DNAH12: variants seen among roughly 807,000 people sequenced by gnomAD.
DNAH12 encodes dynein axonemal heavy chain 12, also known as axonemal beta dynein heavy chain 12.
In DNAH12, 285 loss-of-function variants were observed where a neutral mutation model predicts 371.5. The ratio of observed to expected loss-of-function variants is 0.77; its 90% CI spans 0.70 to 0.85. DNAH12 has a LOEUF of 0.85. DNAH12 is among the 40% of genes least tolerant of loss of function. The pLI is 0.00. For synonymous variants in DNAH12, 1,200 were observed against 1,213.0 expected, an observed-to-expected ratio of 0.99 and a Z score of 0.22; for missense variants, 3,611 against 3,689.4, an observed-to-expected ratio of 0.98 and a Z score of 0.55.
intron 55 of DNAH12, among the ~76,000 whole-genome samples, chr3:57,369,205 G>T (rs2063114512): frequency 9.1e-6 from 1 of 109,958 alleles, no homozygotes; most frequent in Non-Finnish European, 1.9e-5. Context: ...GGGCAACAAA[G>T]ATTGAAACTC....
intron 60 of DNAH12, among the ~76,000 whole-genome samples, chr3:57,346,387 T>C (rs1389825707): frequency 6.6e-6 from 1 of 152,084 alleles, no homozygotes; most frequent in African/African-American, 2.4e-5. Flanking sequence ...GATAGATTAG[T>C]TGTAAATGTA....
intron 2 of DNAH12, among the ~76,000 whole-genome samples, chr3:57,541,045 C>G (rs1475209751): frequency 1.3e-5 from 2 of 151,208 alleles, no homozygotes; most frequent in African/African-American, 2.4e-5. Context: ...CTCCCCCTCC[C>G]TTTTATTTTT....
intron 13 of DNAH12, among the ~76,000 whole-genome samples, chr3:57,475,784 A>G (rs1295294339): frequency 2.0e-5 from 3 of 152,326 alleles, no homozygotes; most frequent in Admixed American, 2.0e-4. Context: ...CCATCTCACA[A>G]TTGCAAGTAA....
At chr3:57,536,760 A>G (rs1192665551) in intron 2 of DNAH12, among the ~76,000 whole-genome samples, 1 of 152,166 alleles carries the variant, frequency 6.6e-6, no homozygotes, top group Non-Finnish European at 1.5e-5. Context: ...CCCAACATAA[A>G]TATGCCTGAC....
intron 29 of DNAH12, among the ~76,000 whole-genome samples, chr3:57,439,194 A>G (rs2065229353): frequency 6.6e-6 from 1 of 152,196 alleles, no homozygotes; most frequent in Non-Finnish European, 1.5e-5. Flanking sequence ...TCACAGAACT[A>G]GAAAAAAATT....
intron 2 of DNAH12, among the ~76,000 whole-genome samples, chr3:57,541,518 A>G (rs1012858354): frequency 4.7e-5 from 7 of 150,162 alleles, no homozygotes; most frequent in African/African-American, 1.7e-4. Flanking sequence ...GGCATGCCCC[A>G]CCACACCTGG....
intron 35 of DNAH12, among the ~76,000 whole-genome samples, chr3:57,424,170 T>G (rs778424422): frequency 2.0e-5 from 3 of 152,102 alleles, no homozygotes; most frequent in Non-Finnish European, 4.4e-5. Context: ...AATTATAATC[T>G]TTCATAATAG....
In DNAH12 at chr3:57,452,818, G is replaced by T. The variant is rs762729655; in HGVS notation, c.3786+25C>A. On this transcript the variant is annotated intron_variant, in intron 25 of 73. Transcript: ENST00000495027. ...CAGCAAAAAGTAATTATTAATGTGT[G>T]AATTAAGATAATTTAAATGCATACC... The T allele has an allele frequency of 2.3e-5, 35 of 1,522,012 alleles. No individual in the cohort carries two copies. The African/African-American group carries it at 4.5e-4, about 19-fold the overall frequency. 94.3% of individuals were successfully genotyped at this position (1,522,012 alleles called of 1,614,324 possible). A position where few individuals can be genotyped will look rare whatever the true frequency, so the allele number is the denominator to read the frequency against.
intron 4 of DNAH12, among the ~76,000 whole-genome samples, chr3:57,515,513 G>T (rs567685712): frequency 6.6e-6 from 1 of 152,232 alleles, no homozygotes; most frequent in South Asian, 2.1e-4. Context: ...AGGAGGCTGG[G>T]GTGGGAGGAT....
intron 66 of DNAH12, among the ~76,000 whole-genome samples, chr3:57,311,506 T>C (rs1156367249): frequency 6.6e-6 from 1 of 152,254 alleles, no homozygotes; most frequent in African/African-American, 2.4e-5. Context: ...ATTTTTCATA[T>C]GAATGTGGAT....
At chr3:57,396,719 G>C (rs1189314868) in intron 43 of DNAH12, among the ~76,000 whole-genome samples, 1 of 152,330 alleles carries the variant, frequency 6.6e-6, no homozygotes, top group Non-Finnish European at 1.5e-5. Context: ...TTACAGGTCT[G>C]TTCTACCACA....
intron 13 of DNAH12, among the ~76,000 whole-genome samples, chr3:57,476,328 G>A (rs1336462935): frequency 6.6e-6 from 1 of 152,162 alleles, no homozygotes; most frequent in Non-Finnish European, 1.5e-5. Context: ...CACTTTGGGA[G>A]GCTGAGACGG....
At position 57,421,630 on chromosome 3, in the gene DNAH12, A is replaced by C; in HGVS notation, c.5450T>G (p.Phe1817Cys). The change falls in exon 36 of 74, where the codon TTC becomes TGC. Residue 1817 changes from phenylalanine (F) to cysteine (C), a missense_variant. Physicochemically the swap from Phe to Cys is radical, Grantham distance 205 (BLOSUM62 -2). Around this residue, in one of 3 missense-constraint regions of DNAH12, gnomAD observed 2,266 missense variants for 2,236.9 expected, o/e 1.01. Transcript: ENST00000495027. ...TTTTCCCAGTATGATTAATCGTATGAAAGTATCAAAAACACGACGGCCATC... is the reference window on the plus strand; with the variant it reads ...TTTTCCCAGTATGATTAATCGTATGCAAGTATCAAAAACACGACGGCCATC... ...DTDGRRVFDT[F>C]IRLIILGKDD... is the part of the protein sequence containing the mutation. 1 of 1,551,644 alleles carries C rather than the reference A, an allele frequency of 6.4e-7. No homozygotes were observed. Among genetic ancestry groups the C allele is most frequent in the South Asian group, 1.2e-5 (1 of 84,036 alleles).
At chr3:57,340,009 C>T (rs2062354093) in intron 60 of DNAH12, among the ~76,000 whole-genome samples, 1 of 151,356 alleles carries the variant, frequency 6.6e-6, no homozygotes, top group Admixed American at 6.6e-5. Flanking sequence ...AGGTTGAAAC[C>T]ACAGTGAGCT....
chr3:57,433,316 T>G, intron 32 of DNAH12, 51 bp downstream of exon 32: 1 of 1,518,210 alleles, frequency 6.6e-7, no homozygotes, highest in Non-Finnish European at 8.8e-7. Context: ...GCTGAACACA[T>G]AAAATTGCTT....
rs540132051 is a variant in DNAH12, at chr3:57,302,106, G to C, written c.11190-167C>G. ...AGCTAATGTTAAGTGATACATGTAT[G>C]AACATTTTTCATTTTAATCATTACA... On this transcript the variant is annotated intron_variant, in intron 69 of 73. Coordinates refer to ENST00000495027, the MANE Select transcript of DNAH12 (RefSeq NM_001366028.2). 1.0e-3 allele frequency among the ~76,000 whole-genome samples: 156 copies of C among 152,172 alleles called. 1 individual carries two copies. Among genetic ancestry groups the C allele is most frequent in the African/African-American group, 3.7e-3 (153 of 41,518 alleles).
intron 6 of DNAH12, 126 bp downstream of exon 6, chr3:57,509,014 C>CA (rs959884277): frequency 2.5e-6 from 2 of 791,642 alleles, no homozygotes; most frequent in African/African-American, 3.5e-5. Context: ...AACAAGAGTA[C>CA]TTTTTTTTTA....
intron 37 of DNAH12, 133 bp from the exon 38 acceptor site, chr3:57,415,697 T>C: frequency 1.2e-6 from 1 of 840,976 alleles, no homozygotes; most frequent in Non-Finnish European, 1.7e-6. Flanking sequence ...TTACCTATAG[T>C]TATTTCATGA....
At chr3:57,323,283 G>C in intron 63 of DNAH12, 23 bp from the exon 64 acceptor site, 1 of 1,546,426 alleles carries the variant, frequency 6.5e-7, no homozygotes, top group Non-Finnish European at 8.7e-7. Flanking sequence ...CAAAAAAATG[G>C]TCACACTACT....
Sources: gnomAD v4.1 joint callset for allele counts (sites outside exome capture counted in the v4.1 genomes callset) on GRCh38, gnomAD v4.1.1 for gene constraint, gnomAD v4.1.1 regional missense constraint, MANE v1.5 for transcripts, NCBI Gene and HGNC (gene_info 2026-07-23, HGNC 2026-07-21) for gene names.